TACR3: variants seen among roughly 807,000 people sequenced by gnomAD.
TACR3 encodes the protein tachykinin receptor 3.
A neutral mutation model predicts 35.0 loss-of-function variants in TACR3; 34 were observed. The observed-to-expected ratio is 0.97, with a 90% CI of 0.74 to 1.30. The LOEUF (loss-of-function observed/expected upper bound fraction) is 1.30, where lower values mean the gene tolerates loss of function less well. TACR3 is among the 50% of genes most tolerant of loss of function. The pLI, the probability that TACR3 is intolerant of heterozygous loss-of-function variation, is 0.00. For missense variants in TACR3, 558 were observed against 591.7 expected (o/e 0.94, Z 0.59); for synonymous variants, 233 against 221.1 (o/e 1.05, Z -0.48).
At chr4:103,601,101 TG>T (rs1306920246) in intron 3 of TACR3, among the ~76,000 whole-genome samples, 1 of 152,172 alleles carries the variant, frequency 6.6e-6, no homozygotes, top group African/African-American at 2.4e-5. Context: ...TAAGTCTCTT[TG>T]TTGGTCGCTA....
chr4:103,703,017 G>A (rs139172061), intron 1 of TACR3, among the ~76,000 whole-genome samples: 7,942 of 151,634 alleles, frequency 0.052, 571 homozygotes, highest in African/African-American at 0.16. Flanking sequence ...AAACCTGCGC[G>A]TTGTGCACAT....
At chr4:103,641,922 A>T (rs1035168791) in intron 3 of TACR3, among the ~76,000 whole-genome samples, 3 of 151,860 alleles carry the variant, frequency 2.0e-5, no homozygotes, top group Non-Finnish European at 4.4e-5. Flanking sequence ...AATCTAAAAA[A>T]TGTCAAACTA....
chr4:103,613,337 A>T (rs1437047421), intron 3 of TACR3, among the ~76,000 whole-genome samples: 1 of 152,196 alleles, frequency 6.6e-6, no homozygotes, highest in Non-Finnish European at 1.5e-5. Context: ...AGGTTGTGTG[A>T]AAATTATTTA....
At chr4:103,614,119 A>AGATATATTCTC (rs1041733567) in intron 3 of TACR3, among the ~76,000 whole-genome samples, 3 of 152,150 alleles carry the variant, frequency 2.0e-5, no homozygotes, top group Non-Finnish European at 4.4e-5. Flanking sequence ...AATAAATTTA[A>AGATATATTCTC]GATATATTCT....
chr4:103,669,990 T>G (rs1726021825), intron 1 of TACR3, among the ~76,000 whole-genome samples: 1 of 152,092 alleles, frequency 6.6e-6, no homozygotes, highest in Admixed American at 6.6e-5. Context: ...ATTTGATTTT[T>G]TATATGGTGA....
At chr4:103,668,057 C>G (rs180963889) in intron 1 of TACR3, among the ~76,000 whole-genome samples, 20 of 152,218 alleles carry the variant, frequency 1.3e-4, no homozygotes, top group Admixed American at 4.6e-4. Context: ...GTCTTGAAAT[C>G]CTGAGTTCAA....
intron 1 of TACR3, among the ~76,000 whole-genome samples, chr4:103,681,518 A>G (rs1228770359): frequency 2.0e-5 from 3 of 152,132 alleles, no homozygotes; most frequent in Admixed American, 6.6e-5. Flanking sequence ...GAAAATTACC[A>G]GAGATTCTTT....
At chr4:103,610,745 A>G (rs1041571951) in intron 3 of TACR3, among the ~76,000 whole-genome samples, 5 of 152,082 alleles carry the variant, frequency 3.3e-5, no homozygotes, top group African/African-American at 9.7e-5. Context: ...TTTGTCTAGT[A>G]GTTTCATAGT....
intron 2 of TACR3, 136 bp from the exon 3 acceptor site, chr4:103,656,480 AT>A (rs1170640914): frequency 1.5e-4 from 120 of 824,494 alleles, no homozygotes; most frequent in Non-Finnish European, 2.2e-4. Context: ...TCATCTCAAA[AT>A]TCCATCAAAA....
intron 3 of TACR3, among the ~76,000 whole-genome samples, chr4:103,628,841 A>ACAAAAAGAG (rs370687152): frequency 6.6e-6 from 1 of 151,120 alleles, no homozygotes; most frequent in African/African-American, 2.4e-5. Flanking sequence ...CAGAGATAAA[A>ACAAAAAGAG]AGAATTTTAG....
intron 1 of TACR3, among the ~76,000 whole-genome samples, chr4:103,699,686 G>C (rs191303952): frequency 6.6e-6 from 1 of 152,300 alleles, no homozygotes; most frequent in African/African-American, 2.4e-5. Flanking sequence ...TAATTTGAAA[G>C]TAGACATGAC....
rs1326545566 is a variant in TACR3 at position 103,588,770 on chromosome 4, A to T, written c.*912T>A. On this transcript the variant is annotated 3_prime_UTR_variant, in exon 5 of 5. Coordinates refer to ENST00000304883, the MANE Select transcript of TACR3 (RefSeq NM_001059.3). The stretch of plus-strand genomic sequence containing the variant: ...TTTCCCTAAGGAGTTGCCTTTGAAG[A>T]TATTTTCTCCTAGTCCTTATTCTAT... 2 of 152,038 alleles carry T rather than the reference A, an allele frequency of 1.3e-5. No homozygotes were observed. The highest frequency in any genetic ancestry group is 1.3e-4 in the Admixed American group (2 of 15,240). 9.4% of individuals were successfully genotyped at this position (152,038 alleles called of 1,614,324 possible). A position where few individuals can be genotyped will look rare whatever the true frequency, so the allele number is the denominator to read the frequency against.
chr4:103,628,213 C>A (rs890301360), intron 3 of TACR3, among the ~76,000 whole-genome samples: 3 of 152,140 alleles, frequency 2.0e-5, no homozygotes, highest in African/African-American at 4.8e-5. Context: ...AAAATCAACA[C>A]CCTAACATTA....
rs1361431420 is a variant in TACR3, at chr4:103,594,343, A to G, written c.889-2660T>C. Reference sequence around the variant, plus strand: ...CAGGAGCGTGCCACCACGCCTGGCTAATTTTTGTATTTTTAGTAGAGACAG... The same window carrying G: ...CAGGAGCGTGCCACCACGCCTGGCTGATTTTTGTATTTTTAGTAGAGACAG... On this transcript the variant is annotated intron_variant, in intron 3 of 4. Coordinates refer to ENST00000304883, the MANE Select transcript of TACR3 (RefSeq NM_001059.3). 9.0e-4 allele frequency among the ~76,000 whole-genome samples: 137 copies of G among 151,988 alleles called. 1 individual carries two copies. Among genetic ancestry groups the G allele is most frequent in the Non-Finnish European group, 2.9e-4 (20 of 67,968 alleles).
intron 3 of TACR3, among the ~76,000 whole-genome samples, chr4:103,627,863 C>CACTT (rs1274472583): frequency 2.6e-5 from 4 of 152,168 alleles, no homozygotes; most frequent in Non-Finnish European, 4.4e-5. Flanking sequence ...AACCACATCA[C>CACTT]ACTTATTCTA....
chr4:103,597,675 A>G (rs1459428360), intron 3 of TACR3, among the ~76,000 whole-genome samples: 2 of 151,444 alleles, frequency 1.3e-5, no homozygotes, highest in African/African-American at 2.4e-5. Context: ...TCATTGTTCA[A>G]TTCCCACCTG....
rs34550211 is a variant in TACR3 at position 103,591,651 on chromosome 4, T to G, written c.921A>C (p.Thr307=). Residue 307 remains threonine (T), a synonymous_variant, in exon 4 of 5, where the codon ACA becomes ACC. Coordinates refer to ENST00000304883, the MANE Select transcript of TACR3 (RefSeq NM_001059.3). The stretch of plus-strand genomic sequence containing the variant: ...GATAGGGCAGCCAGCAGATAGCAAA[T>G]GTCATGACAACAATAATCATCATTT... ...VVKMMIIVVM[T]FAICWLPYHI... 3,713 of 1,613,392 alleles carry G rather than the reference T, an allele frequency of 2.3e-3. 75 individuals are homozygous for G. The African/African-American group carries it at 0.044, about 19-fold the overall frequency.
intron 3 of TACR3, among the ~76,000 whole-genome samples, chr4:103,609,659 G>T (rs931825377): frequency 1.3e-5 from 2 of 151,932 alleles, no homozygotes; most frequent in African/African-American, 4.8e-5. Context: ...ATACATTATT[G>T]TTGACTATAG....
intron 1 of TACR3, among the ~76,000 whole-genome samples, chr4:103,710,706 G>C (rs902964494): frequency 6.6e-6 from 1 of 152,196 alleles, no homozygotes; most frequent in South Asian, 2.1e-4. Flanking sequence ...TCCAGGAGCT[G>C]GTTTTTTGAA....
Sources: allele counts gnomAD v4.1 joint callset (sites outside exome capture counted in the v4.1 genomes callset), GRCh38; gene constraint gnomAD v4.1.1; transcripts MANE v1.5; gene names NCBI Gene and HGNC (gene_info 2026-07-23, HGNC 2026-07-21).